Variants in C8orf34 observed in about 807,000 individuals in gnomAD.
C8orf34 encodes uncharacterized protein C8orf34.
In C8orf34, 65 loss-of-function variants were observed where a neutral mutation model predicts 68.3. The ratio of observed to expected loss-of-function variants is 0.95; its 90% CI spans 0.78 to 1.17. The LOEUF (loss-of-function observed/expected upper bound fraction) is 1.17, where lower values mean the gene tolerates loss of function less well. C8orf34 is among the 50% of genes most tolerant of loss of function. The pLI is 0.00. For synonymous variants in C8orf34, 244 were observed against 241.2 expected (o/e 1.01, Z -0.11); for missense variants, 664 against 655.4 (o/e 1.01, Z -0.14).
intron 9 of C8orf34, among the ~76,000 whole-genome samples, chr8:68,713,235 T>C (rs370054539): frequency 7.9e-5 from 12 of 151,984 alleles, no homozygotes; most frequent in African/African-American, 2.4e-4. Context: ...AGAGCACAAA[T>C]AGATAATCTA....
At chr8:68,743,976 A>G (rs1318548361) in intron 10 of C8orf34, among the ~76,000 whole-genome samples, 1 of 152,154 alleles carries the variant, frequency 6.6e-6, no homozygotes, top group African/African-American at 2.4e-5. Context: ...GCAGACTTAA[A>G]TGTCCCTGTC....
intron 7 of C8orf34, among the ~76,000 whole-genome samples, chr8:68,553,583 T>C (rs1230453842): frequency 2.0e-5 from 3 of 152,042 alleles, no homozygotes; most frequent in African/African-American, 7.2e-5. Flanking sequence ...TGGGTTAGTT[T>C]TGATAATTTA....
intron 3 of C8orf34, among the ~76,000 whole-genome samples, chr8:68,462,194 A>C (rs972990339): frequency 2.0e-5 from 3 of 152,076 alleles, no homozygotes; most frequent in Non-Finnish European, 2.9e-5. Context: ...GAGACAAAGA[A>C]GGCCATTACA....
At chr8:68,684,178 A>G (rs944639704) in intron 8 of C8orf34, among the ~76,000 whole-genome samples, 3 of 152,106 alleles carry the variant, frequency 2.0e-5, no homozygotes, top group African/African-American at 7.2e-5. Context: ...ATGTTTAATG[A>G]ACTCATAAAA....
chr8:68,510,804 A>C (rs963811193), intron 5 of C8orf34, among the ~76,000 whole-genome samples: 1 of 152,180 alleles, frequency 6.6e-6, no homozygotes, highest in African/African-American at 2.4e-5. Flanking sequence ...TAAGGCCTTA[A>C]AAACCCATCC....
intron 11 of C8orf34, among the ~76,000 whole-genome samples, chr8:68,783,021 A>C (rs1475455906): frequency 6.6e-6 from 1 of 150,570 alleles, no homozygotes. Flanking sequence ...GCAGTGTGCC[A>C]TGTTTGTGTC....
chr8:68,662,125 C>T (rs1029274281), intron 8 of C8orf34, among the ~76,000 whole-genome samples: 5 of 151,824 alleles, frequency 3.3e-5, no homozygotes, highest in East Asian at 3.9e-4. Context: ...GGGGCTTTGG[C>T]GGGAAAGTGG....
intron 4 of C8orf34, among the ~76,000 whole-genome samples, chr8:68,470,303 T>C (rs79959940): frequency 9.9e-5 from 15 of 152,184 alleles, no homozygotes; most frequent in Non-Finnish European, 2.1e-4. Flanking sequence ...TAACATGAAC[T>C]AAAAGAAGGA....
intron 7 of C8orf34, among the ~76,000 whole-genome samples, chr8:68,567,161 T>A (rs922126541): frequency 6.6e-6 from 1 of 152,190 alleles, no homozygotes; most frequent in African/African-American, 2.4e-5. Context: ...TAGGGAGGGT[T>A]CCCTCTTTCT....
chr8:68,571,543 T>G (rs1816758216), intron 7 of C8orf34, among the ~76,000 whole-genome samples: 1 of 58,390 alleles, frequency 1.7e-5, no homozygotes, highest in Non-Finnish European at 3.3e-5. Flanking sequence ...TTAAGCCTGC[T>G]GTGCTTATTG....
intron 10 of C8orf34, among the ~76,000 whole-genome samples, chr8:68,737,005 G>A (rs1271018776): frequency 1.3e-5 from 2 of 152,038 alleles, no homozygotes; most frequent in East Asian, 3.9e-4. Context: ...CAAATTAAAT[G>A]TTTGAGTATG....
intron 8 of C8orf34, among the ~76,000 whole-genome samples, chr8:68,674,505 A>G (rs1052891364): frequency 6.6e-6 from 1 of 152,208 alleles, no homozygotes; most frequent in African/African-American, 2.4e-5. Flanking sequence ...TGCAGTTGAC[A>G]TACTGAAACA....
intron 8 of C8orf34, among the ~76,000 whole-genome samples, chr8:68,660,488 C>G (rs988808346): frequency 6.6e-6 from 1 of 152,194 alleles, no homozygotes; most frequent in Non-Finnish European, 1.5e-5. Context: ...CTTTCCCCTG[C>G]TGCTCGTAAC....
chr8:68,482,519 C>T (rs1355097628), intron 4 of C8orf34, among the ~76,000 whole-genome samples: 1 of 152,170 alleles, frequency 6.6e-6, no homozygotes, highest in African/African-American at 2.4e-5. Context: ...AAGTGATCCT[C>T]CCACCTCGGC....
At chr8:68,750,964 G>A (rs571872024) in intron 10 of C8orf34, among the ~76,000 whole-genome samples, 1 of 152,124 alleles carries the variant, frequency 6.6e-6, no homozygotes, top group Non-Finnish European at 1.5e-5. Context: ...GGAGTTAAGA[G>A]ATATTCTCTT....
At chr8:68,552,036 C>T (rs569964443) in intron 7 of C8orf34, among the ~76,000 whole-genome samples, 7 of 151,964 alleles carry the variant, frequency 4.6e-5, no homozygotes, top group Non-Finnish European at 8.8e-5. Flanking sequence ...ATCAATTGAC[C>T]ATACATGTTT....
intron 10 of C8orf34, among the ~76,000 whole-genome samples, chr8:68,746,491 G>GA (rs757012706): frequency 1 from 49,716 of 49,718 alleles, 24,857 homozygotes; most frequent in Middle Eastern, 1. Context: ...CCGCTAGCAA[G>GA]CTAATAAAGA....
chr8:68,629,942 A>G (rs1818642720), intron 7 of C8orf34, among the ~76,000 whole-genome samples: 1 of 152,158 alleles, frequency 6.6e-6, no homozygotes, highest in Non-Finnish European at 1.5e-5. Context: ...AAATAATTTT[A>G]AAATATTCTT....
intron 7 of C8orf34, among the ~76,000 whole-genome samples, chr8:68,570,320 C>A (rs1816724932): frequency 6.6e-6 from 1 of 152,162 alleles, no homozygotes; most frequent in African/African-American, 2.4e-5. Flanking sequence ...CTCACTTGTT[C>A]TCATGAATCT....
Sources: allele counts gnomAD v4.1 joint callset (sites outside exome capture counted in the v4.1 genomes callset), GRCh38; gene constraint gnomAD v4.1.1; transcripts MANE v1.5; gene names NCBI Gene and HGNC (gene_info 2026-07-23, HGNC 2026-07-21).